PSMD5: variants seen among roughly 807,000 people sequenced by gnomAD.
PSMD5 encodes proteasome 26S subunit, non-ATPase 5.
A neutral mutation model predicts 52.1 loss-of-function variants in PSMD5; 40 were observed. That is an observed-to-expected ratio of 0.77 (90% CI 0.60 to 1.00). PSMD5 has a LOEUF of 1.00. Ranked by LOEUF, PSMD5 falls within the 50% of genes least tolerant of loss-of-function variation. The pLI is 0.00. For missense variants in PSMD5, 575 were observed against 605.2 expected (o/e 0.95, Z 0.52); for synonymous variants, 211 against 226.6 (o/e 0.93, Z 0.62).
At chr9:120,835,944 G>A (rs954548268) in intron 1 of PSMD5, among the ~76,000 whole-genome samples, 9 of 152,048 alleles carry the variant, frequency 5.9e-5, no homozygotes, top group African/African-American at 1.7e-4. Context: ...CATCACCATC[G>A]TCCATCTCCA....
chr9:120,831,719 A>T (rs942785728), intron 3 of PSMD5, 113 bp downstream of exon 3: 23 of 1,451,788 alleles, frequency 1.6e-5, no homozygotes, highest in Non-Finnish European at 1.9e-5. Context: ...TGTAAATTCC[A>T]TTACGCAAAT....
chr9:120,842,728 T>C lies in PSMD5; in HGVS notation c.173+9A>G, dbSNP rs1366249960. ...CTCTCCTCGGCTCAAGCCCCCGGGGTCCTCTCACCTATGGTTCTCGTTAAG... is the reference window on the plus strand; with the variant it reads ...CTCTCCTCGGCTCAAGCCCCCGGGGCCCTCTCACCTATGGTTCTCGTTAAG... On this transcript the variant is annotated intron_variant, in intron 1 of 9. Transcript: ENST00000210313. The C allele has an allele frequency of 1.2e-6, 2 of 1,612,992 alleles. No individual in the cohort carries two copies. The highest frequency in any genetic ancestry group is 1.7e-6 in the Non-Finnish European group (2 of 1,179,958).
intron 1 of PSMD5, among the ~76,000 whole-genome samples, chr9:120,841,261 C>A (rs2045233044): frequency 6.6e-6 from 1 of 151,852 alleles, no homozygotes. Flanking sequence ...ATTGATATAC[C>A]CTGCGATTTT....
intron 1 of PSMD5, among the ~76,000 whole-genome samples, chr9:120,836,075 G>A (rs1262706664): frequency 6.6e-6 from 1 of 152,124 alleles, no homozygotes; most frequent in East Asian, 1.9e-4. Flanking sequence ...ACTACTCTAG[G>A]TATGTAAGTA....
chr9:120,825,007 A>G (rs1421186002), intron 6 of PSMD5: 3 of 193,678 alleles, frequency 1.5e-5, no homozygotes, highest in Admixed American at 1.1e-4. Context: ...AAATTTTTAA[A>G]TGGATATGTT....
In PSMD5 at chr9:120,831,547, T is replaced by C. The variant is rs1389289076; in HGVS notation, c.433-88A>G. ...AGTGATGTAAAAATAGTGCATGGAATGCACCTTGCCCATGTTTTAGCTATT... is the reference window on the plus strand; with the variant it reads ...AGTGATGTAAAAATAGTGCATGGAACGCACCTTGCCCATGTTTTAGCTATT... On this transcript the variant is annotated intron_variant, in intron 3 of 9. Transcript: ENST00000210313. 3 of 1,425,114 alleles carry C rather than the reference T, an allele frequency of 2.1e-6. No homozygotes were observed. The African/African-American group carries it at 4.3e-5, about 20-fold the overall frequency. The allele number at this position is 1,425,114 out of a possible 1,614,324, so 88.3% of individuals were successfully genotyped here. A position where few individuals can be genotyped will look rare whatever the true frequency, so the allele number is the denominator to read the frequency against.
intron 4 of PSMD5, 54 bp from the exon 5 acceptor site, chr9:120,829,262 C>G: frequency 1.4e-6 from 2 of 1,450,020 alleles, no homozygotes; most frequent in Non-Finnish European, 1.8e-6. Flanking sequence ...CAGCCCTACG[C>G]CTGATAGATC....
chr9:120,829,679 A>G (rs1210199541), intron 4 of PSMD5, among the ~76,000 whole-genome samples: 1 of 152,208 alleles, frequency 6.6e-6, no homozygotes, highest in Non-Finnish European at 1.5e-5. Context: ...TACAGGCATG[A>G]GCCACCATGC....
intron 4 of PSMD5, 23 bp from the exon 5 acceptor site, chr9:120,829,231 G>GA: frequency 1.3e-6 from 2 of 1,553,350 alleles, no homozygotes; most frequent in East Asian, 2.3e-5. Flanking sequence ...AAAAAACACA[G>GA]AAAAAAGAAA....
At position 120,824,061 on chromosome 9, in the gene PSMD5, C is replaced by T. The variant is rs184291607; in HGVS notation, c.1006+433G>A. On this transcript the variant is annotated intron_variant, in intron 7 of 9. Coordinates refer to ENST00000210313, the MANE Select transcript of PSMD5 (RefSeq NM_005047.4). ...ATGAGGCAGGAGGATTGCTTGAGCC[C>T]GGGAGTTCGGGGCCAGCCTGGGTAA... 7.0e-4 allele frequency: 120 copies of T among 172,576 alleles called. 3 individuals are homozygous for T. In the South Asian group the frequency reaches 0.012, roughly 17 times the overall value. The allele number at this position is 172,576 out of a possible 1,614,324, so 10.7% of individuals were successfully genotyped here. A position where few individuals can be genotyped will look rare whatever the true frequency, so the allele number is the denominator to read the frequency against.
intron 6 of PSMD5, 87 bp from the exon 7 acceptor site, chr9:120,824,772 A>T: frequency 9.0e-7 from 1 of 1,112,914 alleles, no homozygotes; most frequent in Non-Finnish European, 1.3e-6. Flanking sequence ...ACAGAAATGA[A>T]CTGCAGGCCA....
intron 1 of PSMD5, among the ~76,000 whole-genome samples, chr9:120,834,902 G>T (rs771265366): frequency 6.6e-6 from 1 of 152,224 alleles, no homozygotes; most frequent in Non-Finnish European, 1.5e-5. Flanking sequence ...CTATGTAAGA[G>T]AAACTGATGA....
chr9:120,842,103 G>A (rs1164650838), intron 1 of PSMD5: 2 of 152,478 alleles, frequency 1.3e-5, no homozygotes, highest in Admixed American at 1.3e-4. Flanking sequence ...GCCCTCTGCA[G>A]GTTTCCCCCT....
intron 5 of PSMD5, 124 bp from the exon 6 acceptor site, chr9:120,827,031 G>T (rs1045790652): frequency 1.9e-5 from 19 of 1,025,100 alleles, no homozygotes; most frequent in Non-Finnish European, 1.8e-5. Context: ...AATAATCTTG[G>T]CTCCTCTTTT....
At chr9:120,835,744 A>G (rs1435215339) in intron 1 of PSMD5, among the ~76,000 whole-genome samples, 2 of 152,248 alleles carry the variant, frequency 1.3e-5, no homozygotes, top group Non-Finnish European at 2.9e-5. Context: ...AAAAAAAATA[A>G]AATAAAATAA....
chr9:120,839,798 C>CTTTTTT (rs5900462), intron 1 of PSMD5, among the ~76,000 whole-genome samples: 3 of 78,542 alleles, frequency 3.8e-5, no homozygotes, highest in African/African-American at 8.7e-5. Context: ...TTTTTTTAAT[C>CTTTTTT]TTTTTTTTTT....
At chr9:120,833,559 CTTCT>C in intron 1 of PSMD5, 103 bp from the exon 2 acceptor site, 1 of 1,237,704 alleles carries the variant, frequency 8.1e-7, no homozygotes, top group Non-Finnish European at 1.1e-6. Context: ...TCCACACAGA[CTTCT>C]TTTTGAAACA....
Position 120,832,393 on chromosome 9 carries a change from C to CTT in PSMD5, c.319-450_319-449dup, listed in dbSNP as rs35785525. Reference sequence around the variant, plus strand: ...TGATATCTTCCCCCTTTCCCCCAACCTTTTTTTTTTTTTTTTTTTTTGAGA... The same window carrying CTT: ...TGATATCTTCCCCCTTTCCCCCAACCTTTTTTTTTTTTTTTTTTTTTTTGAGA... On this transcript the variant is annotated intron_variant, in intron 2 of 9. Transcript: ENST00000210313. Among the ~76,000 whole-genome samples, 720 of 126,898 alleles carry CTT rather than the reference C, an allele frequency of 5.7e-3. 5 individuals are homozygous for CTT. The highest frequency in any genetic ancestry group is 8.3e-3 in the African/African-American group (282 of 33,844). 83.3% of individuals were successfully genotyped at this position (126,898 alleles called of 152,430 possible).
At chr9:120,833,920 C>T (rs2045179742) in intron 1 of PSMD5, among the ~76,000 whole-genome samples, 1 of 151,188 alleles carries the variant, frequency 6.6e-6, no homozygotes, top group Non-Finnish European at 1.5e-5. Context: ...AGGTGATCCA[C>T]CTGCCTCGGC....
Sources: gnomAD v4.1 joint callset for allele counts (sites outside exome capture counted in the v4.1 genomes callset) on GRCh38, gnomAD v4.1.1 for gene constraint, MANE v1.5 for transcripts, NCBI Gene and HGNC (gene_info 2026-07-23, HGNC 2026-07-21) for gene names.